The following USP14 variants were observed in gnomAD, a reference collection of about 807,000 sequenced individuals.
USP14 encodes the protein ubiquitin specific peptidase 14.
Under a neutral mutation model 76.5 loss-of-function variants are expected in USP14, and 38 were observed. The observed-to-expected ratio is 0.50, with a 90% CI of 0.38 to 0.65. The LOEUF (loss-of-function observed/expected upper bound fraction) is 0.65. Ranked by LOEUF, USP14 falls within the 30% of genes least tolerant of loss-of-function variation. USP14 has a pLI of 0.00. For synonymous variants in USP14, 192 were observed against 191.7 expected, an observed-to-expected ratio of 1.00 and a Z score of -0.01; for missense variants, 467 against 586.5, an observed-to-expected ratio of 0.80 and a Z score of 2.10.
rs1910664942 is a variant in USP14 at position 211,365 on chromosome 18, A to C, written c.*81A>C. On this transcript the variant is annotated 3_prime_UTR_variant, in exon 16 of 16. Coordinates refer to ENST00000261601, the MANE Select transcript of USP14 (RefSeq NM_005151.4). ...TTCTATAATCCAGAGCTTTAGAGGA[A>C]GACACATAGGTGGGTTTATGTTTCA... The C allele has an allele frequency of 6.8e-7, 1 of 1,464,846 alleles. No homozygotes were observed. Among genetic ancestry groups the C allele is most frequent in the Non-Finnish European group, 9.2e-7 (1 of 1,082,312 alleles). 90.7% of individuals were successfully genotyped at this position (1,464,846 alleles called of 1,614,324 possible). A position where few individuals can be genotyped will look rare whatever the true frequency, so the allele number is the denominator to read the frequency against.
chr18:174,608 TC>T (rs1344091040), intron 3 of USP14, among the ~76,000 whole-genome samples: 9 of 130,474 alleles, frequency 6.9e-5, no homozygotes, highest in Non-Finnish European at 1.2e-4. Flanking sequence ...TACTTTTCTT[TC>T]TTTTTTTTTT....
At chr18:187,017 C>A (rs567329784) in intron 5 of USP14, among the ~76,000 whole-genome samples, 1 of 151,890 alleles carries the variant, frequency 6.6e-6, no homozygotes, top group Non-Finnish European at 1.5e-5. Flanking sequence ...AGTTGTTATC[C>A]CAAAAGGTAG....
At chr18:195,644 T>G (rs681760) in intron 6 of USP14, among the ~76,000 whole-genome samples, 28,690 of 152,160 alleles carry the variant, frequency 0.19, 2,874 homozygotes, top group Non-Finnish European at 0.23. Context: ...TTAGTAGTTT[T>G]GGTTCTTAGC....
At chr18:190,262 T>A (rs1341512187) in intron 5 of USP14, among the ~76,000 whole-genome samples, 1 of 152,232 alleles carries the variant, frequency 6.6e-6, no homozygotes, top group Non-Finnish European at 1.5e-5. Flanking sequence ...TCTAGTACAT[T>A]TTTGGGCACA....
Position 212,529 on chromosome 18 carries a change from G to C in USP14, c.*1245G>C, listed in dbSNP as rs1200021695. 1 of 152,094 alleles carries C rather than the reference G, an allele frequency of 6.6e-6. No individual in the cohort carries two copies. Among genetic ancestry groups the C allele is most frequent in the South Asian group, 2.1e-4 (1 of 4,812 alleles). The allele number at this position is 152,094 out of a possible 1,614,324, so 9.4% of individuals were successfully genotyped here. On this transcript the variant is annotated 3_prime_UTR_variant, in exon 16 of 16. Transcript: ENST00000261601. ...TGAGGTGGGAGAATTGCTTGAACCT[G>C]GAAGGCAGAAGTTGCAGTGAGCTGA... is the stretch of plus-strand genomic sequence containing the variant.
intron 5 of USP14, among the ~76,000 whole-genome samples, chr18:188,721 A>G (rs182132424): frequency 1.3e-5 from 2 of 152,136 alleles, no homozygotes; most frequent in South Asian, 2.1e-4. Flanking sequence ...TGTGTTGCCC[A>G]GGCTGGAGTG....
At chr18:186,072 C>T (rs767895900) in intron 5 of USP14, among the ~76,000 whole-genome samples, 44 of 152,080 alleles carry the variant, frequency 2.9e-4, no homozygotes, top group South Asian at 1.9e-3. Context: ...ACAGAAAAGT[C>T]TACATATTTG....
At chr18:162,777 A>G (rs1040484547) in intron 1 of USP14, among the ~76,000 whole-genome samples, 4 of 151,714 alleles carry the variant, frequency 2.6e-5, no homozygotes, top group African/African-American at 7.3e-5. Context: ...TAGCAAATCA[A>G]TCTACTTCTC....
At chr18:174,119 G>A (rs969433715) in intron 3 of USP14, among the ~76,000 whole-genome samples, 2 of 152,054 alleles carry the variant, frequency 1.3e-5, no homozygotes, top group African/African-American at 4.8e-5. Context: ...GATTGGAATT[G>A]CATTGAATCT....
At chr18:171,025 A>AAAAAAAAAAAATATAT in intron 3 of USP14, among the ~76,000 whole-genome samples, 2 of 47,650 alleles carry the variant, frequency 4.2e-5, no homozygotes, top group African/African-American at 1.7e-4. Flanking sequence ...AAAAAAAAAA[A>AAAAAAAAAAAATATAT]ATATATATAT....
At chr18:189,967 C>T (rs1910041772) in intron 5 of USP14, among the ~76,000 whole-genome samples, 1 of 152,174 alleles carries the variant, frequency 6.6e-6, no homozygotes, top group Non-Finnish European at 1.5e-5. Context: ...ATTGGAAATA[C>T]TATCCTGACT....
intron 4 of USP14, 111 bp downstream of exon 4, chr18:179,148 C>T: frequency 3.0e-6 from 2 of 660,930 alleles, no homozygotes; most frequent in South Asian, 2.3e-5. Context: ...TCATTAATAC[C>T]AAGATAGATA....
intron 10 of USP14, among the ~76,000 whole-genome samples, chr18:200,593 T>C (rs1292721254): frequency 6.6e-6 from 1 of 152,208 alleles, no homozygotes; most frequent in Non-Finnish European, 1.5e-5. Flanking sequence ...ACATAAAATG[T>C]CAGCTTCCAC....
chr18:165,356 C>T (rs549780874), intron 2 of USP14, among the ~76,000 whole-genome samples: 1 of 152,312 alleles, frequency 6.6e-6, no homozygotes, highest in South Asian at 2.1e-4. Flanking sequence ...AGGCTACCCC[C>T]ACTGGGCAGT....
At chr18:198,239 G>C in intron 9 of USP14, 107 bp downstream of exon 9, 1 of 1,041,384 alleles carries the variant, frequency 9.6e-7, no homozygotes, top group South Asian at 2.2e-5. Flanking sequence ...AAATTCTTCA[G>C]AGGTTTTTTT....
rs1288524102 is a variant in USP14 at position 213,226 on chromosome 18, G to C, written c.*1942G>C. 6.6e-6 allele frequency: 1 copy of C among 152,128 alleles called. No individual in the cohort carries two copies. Among genetic ancestry groups the C allele is most frequent in the Non-Finnish European group, 1.5e-5 (1 of 68,026 alleles). The allele number at this position is 152,128 out of a possible 1,614,324, so 9.4% of individuals were successfully genotyped here. On this transcript the variant is annotated 3_prime_UTR_variant, in exon 16 of 16. Transcript: ENST00000261601. ...ACATGAATTTAACAATTAGAATTTA[G>C]ATTTTCTGACTGTAGCTACTAAATG...
Position 199,326 on chromosome 18 carries a change from A to G in USP14, c.876+10A>G. Reference sequence around the variant, plus strand: ...TACAGGACTTAAATTGGTAAGGACAATCTCAGTCCATCCTTGTTGTTTGTG... The same window carrying G: ...TACAGGACTTAAATTGGTAAGGACAGTCTCAGTCCATCCTTGTTGTTTGTG... On this transcript the variant is annotated intron_variant, in intron 10 of 15. Transcript: ENST00000261601. 2.6e-6 allele frequency: 4 copies of G among 1,561,416 alleles called. No individual in the cohort carries two copies. The highest frequency in any genetic ancestry group is 2.6e-6 in the Non-Finnish European group (3 of 1,133,444).
intron 3 of USP14, among the ~76,000 whole-genome samples, chr18:171,057 A>ATATATATATATATATAT (rs1909449792): frequency 9.1e-6 from 1 of 110,264 alleles, no homozygotes; most frequent in African/African-American, 3.4e-5. Context: ...TATATATATA[A>ATATATATATATATATAT]ACTGAAGCTA....
intron 10 of USP14, among the ~76,000 whole-genome samples, chr18:199,695 G>T (rs1388450041): frequency 6.6e-6 from 1 of 152,136 alleles, no homozygotes; most frequent in Non-Finnish European, 1.5e-5. Context: ...AGCTTCAGTT[G>T]GGCCTGCGTT....
Sources: allele counts gnomAD v4.1 joint callset (sites outside exome capture counted in the v4.1 genomes callset), GRCh38; gene constraint gnomAD v4.1.1; transcripts MANE v1.5; gene names NCBI Gene and HGNC (gene_info 2026-07-23, HGNC 2026-07-21).